SLC38A11: variants seen among roughly 807,000 people sequenced by gnomAD.
The protein encoded by SLC38A11 is putative sodium-coupled neutral amino acid transporter 11.
A neutral mutation model predicts 49.4 loss-of-function variants in SLC38A11; 51 were observed. The observed-to-expected ratio is 1.03, with a 90% CI of 0.83 to 1.30. The LOEUF (loss-of-function observed/expected upper bound fraction) is 1.30, where lower values mean the gene tolerates loss of function less well. Among genes scored for constraint, SLC38A11 ranks in the 50% most tolerant of loss-of-function variants. The pLI, the probability that SLC38A11 is intolerant of heterozygous loss-of-function variation, is 0.00. For missense variants in SLC38A11, 574 were observed against 556.2 expected (o/e 1.03, Z -0.32); for synonymous variants, 203 against 192.9 (o/e 1.05, Z -0.43).
In SLC38A11 at chr2:164,895,950, C is replaced by T. The variant is rs1429876004; in HGVS notation, c.*2487G>A. Among the ~76,000 whole-genome samples, 1 of 152,170 alleles carries T rather than the reference C, an allele frequency of 6.6e-6. No individual in the cohort carries two copies. Among genetic ancestry groups the T allele is most frequent in the South Asian group, 2.1e-4 (1 of 4,828 alleles). Reference sequence around the variant, plus strand: ...TTTGTGTGTAAAGATGTGATTCTTGCCTACCACCACCTTTTTAAAGTTAAG... The same window carrying T: ...TTTGTGTGTAAAGATGTGATTCTTGTCTACCACCACCTTTTTAAAGTTAAG... On this transcript the variant is annotated 3_prime_UTR_variant, in exon 12 of 12. Transcript: ENST00000685975.
intron 9 of SLC38A11, chr2:164,912,325 A>G (rs903037683): frequency 3.3e-5 from 5 of 152,014 alleles, no homozygotes; most frequent in African/African-American, 4.8e-5. Flanking sequence ...TTTGCTGCCA[A>G]TTTGTACTGA....
At chr2:164,954,182 T>G (rs1688699281) in intron 2 of SLC38A11, among the ~76,000 whole-genome samples, 3 of 152,306 alleles carry the variant, frequency 2.0e-5, no homozygotes, top group African/African-American at 7.2e-5. Context: ...TTTCATAAGA[T>G]TGGTATGTTT....
At chr2:164,905,540 A>G (rs113124622) in intron 11 of SLC38A11, among the ~76,000 whole-genome samples, 13 of 152,302 alleles carry the variant, frequency 8.5e-5, no homozygotes, top group African/African-American at 2.4e-4. Flanking sequence ...ATTTGGCTCT[A>G]TTAGACATGG....
rs1291098006 is a variant in SLC38A11 at position 164,915,199 on chromosome 2, G to C, written c.763C>G (p.Leu255Val). 1 of 1,612,556 alleles carries C rather than the reference G, an allele frequency of 6.2e-7. No homozygotes were observed. Among genetic ancestry groups the C allele is most frequent in the Non-Finnish European group, 8.5e-7 (1 of 1,178,998 alleles). The change falls in exon 9 of 12, where the codon CTT becomes GTT. Residue 255 changes from leucine (L) to valine (V), a missense_variant. Coordinates refer to ENST00000685975, the MANE Select transcript of SLC38A11 (RefSeq NM_001351537.2). ...GAAATCACGATGGACATATGGATAA[G>C]GCGGGACCACTTAGCTACTGTGGGT... ...EEPTVAKWSR[L>V]IHMSIVISVF...
chr2:164,899,875 T>C (rs1477577728), intron 11 of SLC38A11, among the ~76,000 whole-genome samples: 1 of 152,060 alleles, frequency 6.6e-6, no homozygotes, highest in East Asian at 1.9e-4. Context: ...ATATTGTACA[T>C]TAAATCTGTA....
chr2:164,894,805 G>A lies in SLC38A11; in HGVS notation c.*3632C>T, dbSNP rs913983228. Among the ~76,000 whole-genome samples the A allele has an allele frequency of 6.6e-6, 1 of 152,130 alleles. No homozygotes were observed. The highest frequency in any genetic ancestry group is 2.1e-4 in the South Asian group (1 of 4,818). ...CTAGATGATTTTTCAAAGAGGCAAAGGATAACACATTTAATATGTACCAAT... is the reference window on the plus strand; with the variant it reads ...CTAGATGATTTTTCAAAGAGGCAAAAGATAACACATTTAATATGTACCAAT... On this transcript the variant is annotated 3_prime_UTR_variant, in exon 12 of 12. Transcript: ENST00000685975.
chr2:164,935,959 G>T (rs771872179), intron 7 of SLC38A11, among the ~76,000 whole-genome samples: 9 of 152,128 alleles, frequency 5.9e-5, no homozygotes, highest in Non-Finnish European at 1.2e-4. Flanking sequence ...CCCTCAACAA[G>T]GCAGGAGGAT....
At chr2:164,946,162 C>T (rs1688090717) in intron 3 of SLC38A11, among the ~76,000 whole-genome samples, 1 of 152,094 alleles carries the variant, frequency 6.6e-6, no homozygotes. Flanking sequence ...ATGTAGAAAA[C>T]AATACATTTA....
chr2:164,948,746 T>C (rs1193632847), intron 3 of SLC38A11, among the ~76,000 whole-genome samples: 6 of 152,198 alleles, frequency 3.9e-5, no homozygotes, highest in Admixed American at 3.3e-4. Flanking sequence ...AGAGGCTTCC[T>C]ATCTGCCTTT....
intron 5 of SLC38A11, among the ~76,000 whole-genome samples, chr2:164,944,094 G>T (rs780003620): frequency 3.3e-5 from 5 of 152,106 alleles, no homozygotes; most frequent in African/African-American, 7.2e-5. Flanking sequence ...GAGCTCAAGC[G>T]ATCCACCCTT....
rs1350053036 is a variant in SLC38A11, at chr2:164,945,709, A to G, written c.248T>C (p.Leu83Ser). 6.2e-7 allele frequency: 1 copy of G among 1,606,366 alleles called. No homozygotes were observed. Among genetic ancestry groups the G allele is most frequent in the Non-Finnish European group, 8.5e-7 (1 of 1,178,456 alleles). ...SYVTDFSLVLLIKGGALSGTD... is the reference protein window; with the variant it reads ...SYVTDFSLVLSIKGGALSGTD... ...TCCAGAGAGGGCCCCTCCTTTTATC[A>G]ATAAAACAAGGGAAAAGTCTGTGGC... Residue 83 changes from leucine (L) to serine (S), a missense_variant, in exon 4 of 12, where the codon TTG becomes TCG. By Grantham distance (145) the Leu-to-Ser change is moderately radical. Transcript: ENST00000685975.
At chr2:164,919,899 C>T (rs11895462) in intron 7 of SLC38A11, among the ~76,000 whole-genome samples, 2 of 152,092 alleles carry the variant, frequency 1.3e-5, no homozygotes, top group Non-Finnish European at 2.9e-5. Flanking sequence ...GTACTCCCCC[C>T]TTATCTATAG....
At chr2:164,949,828 G>A in intron 3 of SLC38A11, 1 of 152,244 alleles carries the variant, frequency 6.6e-6, no homozygotes, top group East Asian at 1.9e-4. Context: ...GTTGGTCACA[G>A]AGTGAGAGAG....
intron 7 of SLC38A11, among the ~76,000 whole-genome samples, chr2:164,931,627 C>T (rs936581900): frequency 6.6e-6 from 1 of 152,132 alleles, no homozygotes; most frequent in African/African-American, 2.4e-5. Flanking sequence ...TGCACAGCTA[C>T]AACTATCTGA....
chr2:164,941,086 T>A (rs1366245074), intron 5 of SLC38A11, among the ~76,000 whole-genome samples: 2 of 152,098 alleles, frequency 1.3e-5, no homozygotes, highest in Admixed American at 6.6e-5. Flanking sequence ...GGATCCCATT[T>A]GCATAAAGGA....
At chr2:164,938,821 G>T (rs377086137) in intron 6 of SLC38A11, among the ~76,000 whole-genome samples, 20 of 152,114 alleles carry the variant, frequency 1.3e-4, no homozygotes, top group Non-Finnish European at 2.8e-4. Flanking sequence ...TTACGTAGAC[G>T]TAGTACCAAT....
chr2:164,915,557 A>T (rs1685723255), intron 8 of SLC38A11: 1 of 424,600 alleles, frequency 2.4e-6, no homozygotes, highest in South Asian at 6.2e-5. Flanking sequence ...ATCTGAAGGA[A>T]ATCTTTTTCC....
chr2:164,907,586 A>T (rs945872006), intron 11 of SLC38A11, among the ~76,000 whole-genome samples: 1 of 151,962 alleles, frequency 6.6e-6, no homozygotes, highest in African/African-American at 2.4e-5. Context: ...CATCACCTAT[A>T]TTGCAGTTGA....
rs149387996 is a variant in SLC38A11 at position 164,916,093 on chromosome 2, G to A, written c.618-120C>T. 2.2e-3 allele frequency: 1,357 copies of A among 619,948 alleles called. 5 individuals are homozygous for A. The highest frequency in any genetic ancestry group is 2.6e-3 in the Non-Finnish European group (882 of 344,100). The allele number at this position is 619,948 out of a possible 1,614,324, so 38.4% of individuals were successfully genotyped here. On this transcript the variant is annotated intron_variant, in intron 7 of 11. Transcript: ENST00000685975. ...GTGTCTTTAAGCCAGAAATTAATAA[G>A]GGGCTCCCATTAATCTTGTGTAATC...
Sources: gnomAD v4.1 joint callset for allele counts (sites outside exome capture counted in the v4.1 genomes callset) on GRCh38, gnomAD v4.1.1 for gene constraint, MANE v1.5 for transcripts, NCBI Gene and HGNC (gene_info 2026-07-23, HGNC 2026-07-21) for gene names.